The following ETNPPL variants were observed in gnomAD, a reference collection of about 807,000 sequenced individuals.
The protein encoded by ETNPPL is ethanolamine-phosphate phospho-lyase, also known as alanine--glyoxylate aminotransferase 2-like 1.
ETNPPL carries 30 observed loss-of-function variants against 55.5 expected under a neutral mutation model. That is an observed-to-expected ratio of 0.54 (90% CI 0.40 to 0.73). ETNPPL has a LOEUF of 0.73. Ranked by LOEUF, ETNPPL falls within the 30% of genes least tolerant of loss-of-function variation. The pLI, the probability that ETNPPL is intolerant of heterozygous loss-of-function variation, is 0.00. For synonymous variants in ETNPPL, 202 were observed against 207.2 expected (o/e 0.98, Z 0.21); for missense variants, 528 against 607.9 (o/e 0.87, Z 1.38).
At chr4:108,747,084 A>G (rs1728542786) in intron 9 of ETNPPL, among the ~76,000 whole-genome samples, 1 of 136,514 alleles carries the variant, frequency 7.3e-6, no homozygotes, top group Non-Finnish European at 1.6e-5. Context: ...CTTTCATGCT[A>G]TTTAGTTTCT....
At chr4:108,747,751 C>T (rs1037440658) in intron 9 of ETNPPL, 38 of 319,126 alleles carry the variant, frequency 1.2e-4, no homozygotes, top group African/African-American at 2.6e-4. Flanking sequence ...TTGTTAGAGA[C>T]GGGATTTCAC....
At chr4:108,751,316 C>A (rs536788964) in intron 6 of ETNPPL, among the ~76,000 whole-genome samples, 20 of 152,262 alleles carry the variant, frequency 1.3e-4, no homozygotes, top group African/African-American at 4.6e-4. Context: ...TTAGGATGAA[C>A]TGAATAAGAC....
At chr4:108,747,225 TATATATATATATATA>T (rs1328620171) in intron 9 of ETNPPL, among the ~76,000 whole-genome samples, 11 of 12,636 alleles carry the variant, frequency 8.7e-4, no homozygotes, top group Non-Finnish European at 1.1e-3. Context: ...ATATATATAT[TATATATATATATATA>T]ATATATATAT....
intron 3 of ETNPPL, 106 bp downstream of exon 3, chr4:108,759,643 A>G: frequency 4.2e-6 from 5 of 1,201,918 alleles, no homozygotes; most frequent in Non-Finnish European, 4.7e-6. Flanking sequence ...GAAACTCAGC[A>G]AACCCTTTTG....
Position 108,760,178 on chromosome 4 carries a change from G to C in ETNPPL, c.175+10C>G. 2 of 1,530,148 alleles carry C rather than the reference G, an allele frequency of 1.3e-6. No individual in the cohort carries two copies. Among genetic ancestry groups the C allele is most frequent in the Non-Finnish European group, 1.8e-6 (2 of 1,104,930 alleles). 94.8% of individuals were successfully genotyped at this position (1,530,148 alleles called of 1,614,324 possible). Reference sequence around the variant, plus strand: ...TTTCCTCCAAAGCACTGCAAGGACAGGACATTTACCATGGGCAACATTGTT... The same window carrying C: ...TTTCCTCCAAAGCACTGCAAGGACACGACATTTACCATGGGCAACATTGTT... On this transcript the variant is annotated intron_variant, in intron 2 of 12. Transcript: ENST00000296486.
At chr4:108,761,311 G>C (rs1197545220) in intron 1 of ETNPPL, among the ~76,000 whole-genome samples, 1 of 152,150 alleles carries the variant, frequency 6.6e-6, no homozygotes, top group African/African-American at 2.4e-5. Context: ...ATATGTAACT[G>C]TTTAGAAGGA....
chr4:108,744,685 G>A (rs28435862), intron 11 of ETNPPL, among the ~76,000 whole-genome samples: 29,135 of 150,418 alleles, frequency 0.19, 4,340 homozygotes, highest in East Asian at 0.48. Context: ...CCTAACCCCA[G>A]AAGGCTGAGA....
chr4:108,762,665 T>A, intron 1 of ETNPPL, 178 bp downstream of exon 1: 1 of 763,602 alleles, frequency 1.3e-6, no homozygotes, highest in East Asian at 2.6e-5. Flanking sequence ...TCCAGGAGCG[T>A]TTCTGGGAGT....
chr4:108,748,825 A>G (rs974724183), intron 8 of ETNPPL, among the ~76,000 whole-genome samples: 2 of 152,174 alleles, frequency 1.3e-5, no homozygotes, highest in African/African-American at 2.4e-5. Context: ...ACCATCTATC[A>G]TTGGAAAAAT....
chr4:108,762,233 C>G, intron 1 of ETNPPL: 1 of 385,510 alleles, frequency 2.6e-6, no homozygotes, highest in Non-Finnish European at 5.1e-6. Flanking sequence ...GCAAGACAAG[C>G]AGGCTGGGAA....
chr4:108,746,671 T>G, intron 10 of ETNPPL, 91 bp downstream of exon 10: 6 of 1,502,846 alleles, frequency 4.0e-6, no homozygotes, highest in East Asian at 4.5e-5. Flanking sequence ...CTTTCCTTTT[T>G]CAGAGGGATG....
At chr4:108,755,196 T>C (rs1300515576) in intron 4 of ETNPPL, among the ~76,000 whole-genome samples, 2 of 152,174 alleles carry the variant, frequency 1.3e-5, no homozygotes, top group Non-Finnish European at 2.9e-5. Context: ...ATTAGGCAAA[T>C]ATTACTTGAG....
In ETNPPL at chr4:108,747,179, TA is replaced by T. The variant is rs1222383471; in HGVS notation, c.1083-329del. Among the ~76,000 whole-genome samples the T allele has an allele frequency of 9.5e-4, 10 of 10,526 alleles. 3 individuals carry two copies. Among genetic ancestry groups the T allele is most frequent in the African/African-American group, 7.4e-3 (9 of 1,218 alleles). 6.9% of individuals were successfully genotyped at this position (10,526 alleles called of 152,430 possible). A position where few individuals can be genotyped will look rare whatever the true frequency, so the allele number is the denominator to read the frequency against. Reference sequence around the variant, plus strand: ...TATATATATATTATATATATATATATAATATATATATATATTATATATATAT... The same window carrying T: ...TATATATATATTATATATATATATATATATATATATATATTATATATATAT... On this transcript the variant is annotated intron_variant, in intron 9 of 12. Transcript: ENST00000296486.
At chr4:108,762,037 G>A (rs755652970) in intron 1 of ETNPPL, among the ~76,000 whole-genome samples, 6 of 152,112 alleles carry the variant, frequency 3.9e-5, no homozygotes, top group Non-Finnish European at 8.8e-5. Flanking sequence ...TAAAAACCAC[G>A]CACAAAACAC....
rs765741189 is a variant in ETNPPL, at chr4:108,760,189, A to G, written c.174T>C (p.His58=). 2 of 1,576,278 alleles carry G rather than the reference A, an allele frequency of 1.3e-6. No homozygotes were observed. Among genetic ancestry groups the G allele is most frequent in the Non-Finnish European group, 8.7e-7 (1 of 1,146,414 alleles). Residue 58 remains histidine (H), a splice_region_variant and synonymous_variant, in exon 2 of 13, where the codon CAT becomes CAC. Transcript: ENST00000296486. ...QYLDCINNVA[H]VGHCHPGVVK... ...GCACTGCAAGGACAGGACATTTACC[A>G]TGGGCAACATTGTTGATGCAGTCCA... is the stretch of plus-strand genomic sequence containing the variant.
At chr4:108,759,975 T>C in intron 2 of ETNPPL, 67 bp from the exon 3 acceptor site, 3 of 1,467,498 alleles carry the variant, frequency 2.0e-6, no homozygotes, top group Non-Finnish European at 2.8e-6. Flanking sequence ...ATAAGAGGAA[T>C]TATGAAGCAA....
At position 108,750,925 on chromosome 4, in the gene ETNPPL, C is replaced by A; in HGVS notation, c.701+11G>T. The A allele has an allele frequency of 1.2e-6, 2 of 1,605,436 alleles. No homozygotes were observed. The highest frequency in any genetic ancestry group is 2.2e-5 in the South Asian group (2 of 90,838). Reference sequence around the variant, plus strand: ...TCAGTTTGACCAAGGAGGCCCAAGTCAAGTACATACTCTGCCACTTTCTGG... The same window carrying A: ...TCAGTTTGACCAAGGAGGCCCAAGTAAAGTACATACTCTGCCACTTTCTGG... On this transcript the variant is annotated intron_variant, in intron 7 of 12. Coordinates refer to ENST00000296486, the MANE Select transcript of ETNPPL (RefSeq NM_031279.4).
Position 108,752,940 on chromosome 4 carries a change from A to G in ETNPPL, c.573T>C (p.Asp191=), listed in dbSNP as rs148598163. ...CATCTTCAATGATTTTCTTCACTTCATCTGCATAAGCACTGGCTGAGTCTG... is the reference window on the plus strand; with the variant it reads ...CATCTTCAATGATTTTCTTCACTTCGTCTGCATAAGCACTGGCTGAGTCTG... ...DHADSASAYA[D]EVKKIIEDAH... Residue 191 remains aspartate, a synonymous_variant, in exon 6 of 13, where the codon GAT becomes GAC. Transcript: ENST00000296486. The G allele has an allele frequency of 3.1e-6, 5 of 1,612,606 alleles. No individual in the cohort carries two copies. Among genetic ancestry groups the G allele is most frequent in the Non-Finnish European group, 4.2e-6 (5 of 1,179,180 alleles).
intron 11 of ETNPPL, among the ~76,000 whole-genome samples, chr4:108,744,245 A>G (rs998321448): frequency 3.3e-5 from 5 of 151,838 alleles, no homozygotes. Context: ...TGGGCGACAG[A>G]GTGAGACTCT....
Sources: gnomAD v4.1 joint callset for allele counts (sites outside exome capture counted in the v4.1 genomes callset) on GRCh38, gnomAD v4.1.1 for gene constraint, MANE v1.5 for transcripts, NCBI Gene and HGNC (gene_info 2026-07-23, HGNC 2026-07-21) for gene names.